The following MEF2C variants were observed in gnomAD, a reference collection of about 807,000 sequenced individuals.
The protein encoded by MEF2C is myocyte-specific enhancer factor 2C.
In MEF2C, 6 loss-of-function variants were observed where a neutral mutation model predicts 50.5. The observed-to-expected ratio is 0.12, with a 90% CI of 0.07 to 0.23. The LOEUF (loss-of-function observed/expected upper bound fraction) is 0.23. Among genes scored for constraint, MEF2C ranks in the 10% least tolerant of loss-of-function variants. The probability of loss-of-function intolerance (pLI) is 1.00; values close to 1 mark genes in which losing one functional copy is unlikely to be tolerated. For missense variants in MEF2C, 276 were observed against 605.0 expected, an observed-to-expected ratio of 0.46 and a Z score of 5.70; for synonymous variants, 183 against 228.0, an observed-to-expected ratio of 0.80 and a Z score of 1.78.
chr5:88,838,864 T>C (rs1816198553), intron 1 of MEF2C, among the ~76,000 whole-genome samples: 1 of 152,190 alleles, frequency 6.6e-6, no homozygotes, highest in East Asian at 1.9e-4. Flanking sequence ...CAGAATACTT[T>C]GTGTTTTAGA....
At chr5:88,789,075 T>A (rs989023178) in intron 3 of MEF2C, among the ~76,000 whole-genome samples, 3 of 152,150 alleles carry the variant, frequency 2.0e-5, no homozygotes, top group Non-Finnish European at 4.4e-5. Flanking sequence ...CACACTTTTA[T>A]TTTTGAAAAA....
rs1756627429 is a variant in MEF2C, at chr5:88,722,425, G to T, written c.*179C>A. ...GTGCTAAGCTTATCTCAGCATTTCT[G>T]TTTATCTTTATACTGTATCACTGAG... On this transcript the variant is annotated 3_prime_UTR_variant, in exon 11 of 11. Coordinates refer to ENST00000504921, the MANE Select transcript of MEF2C (RefSeq NM_002397.5). 1.7e-6 allele frequency: 1 copy of T among 572,854 alleles called. No homozygotes were observed. The highest frequency in any genetic ancestry group is 3.1e-6 in the Non-Finnish European group (1 of 326,130). 35.5% of individuals were successfully genotyped at this position (572,854 alleles called of 1,614,324 possible).
chr5:88,867,650 CAT>C (rs1184018329), intron 1 of MEF2C, among the ~76,000 whole-genome samples: 1 of 152,060 alleles, frequency 6.6e-6, no homozygotes, highest in Non-Finnish European at 1.5e-5. Context: ...CTTTTACACA[CAT>C]ATCATAAAAG....
chr5:88,869,258 TATATATATATATATATATAC>T (rs1451515717), intron 1 of MEF2C, among the ~76,000 whole-genome samples: 24 of 64,950 alleles, frequency 3.7e-4, no homozygotes, highest in Middle Eastern at 0.011. Context: ...TTTTCATATA[TATATATATATATATATATAC>T]ATATATATAT....
At chr5:88,746,748 G>A (rs557797727) in intron 6 of MEF2C, 1 of 959,206 alleles carries the variant, frequency 1.0e-6, no homozygotes, top group Non-Finnish European at 1.2e-6. Context: ...GAGAAAGAAG[G>A]GGAAGATGGC....
At chr5:88,729,152 C>G in intron 9 of MEF2C, 66 bp downstream of exon 9, 1 of 1,593,458 alleles carries the variant, frequency 6.3e-7, no homozygotes, top group Non-Finnish European at 8.6e-7. Context: ...TAAAAGATAA[C>G]TTTTTCATCT....
chr5:88,785,424 A>G (rs551008301), intron 3 of MEF2C: 77 of 152,274 alleles, frequency 5.1e-4, no homozygotes, highest in African/African-American at 1.8e-3. Flanking sequence ...TTTAAAGATT[A>G]AAAGTAAAAA....
At chr5:88,850,877 C>A (rs1331941643) in intron 1 of MEF2C, among the ~76,000 whole-genome samples, 1 of 151,986 alleles carries the variant, frequency 6.6e-6, no homozygotes, top group Non-Finnish European at 1.5e-5. Flanking sequence ...ACCAACCCCT[C>A]TCTTCGTCGT....
intron 6 of MEF2C, chr5:88,742,736 C>A: frequency 1.0e-6 from 1 of 985,338 alleles, no homozygotes; most frequent in Non-Finnish European, 1.2e-6. Flanking sequence ...TGTCTTTGAC[C>A]TGCCTTTCCC....
At chr5:88,873,242 G>T (rs1178444547) in intron 1 of MEF2C, among the ~76,000 whole-genome samples, 1 of 152,028 alleles carries the variant, frequency 6.6e-6, no homozygotes, top group African/African-American at 2.4e-5. Context: ...TCTTTACAAA[G>T]ACATGATCCT....
At chr5:88,838,683 G>A (rs1221520218) in intron 1 of MEF2C, 4 of 985,028 alleles carry the variant, frequency 4.1e-6, no homozygotes, top group Admixed American at 1.2e-4. Context: ...ACCAGCTCTG[G>A]TATGACCCTG....
chr5:88,806,926 C>T (rs568208455), intron 2 of MEF2C, among the ~76,000 whole-genome samples: 1 of 152,188 alleles, frequency 6.6e-6, no homozygotes, highest in African/African-American at 2.4e-5. Flanking sequence ...TGTGTGGGCA[C>T]ATGGTAAAAA....
intron 2 of MEF2C, among the ~76,000 whole-genome samples, chr5:88,821,411 C>T (rs1562222616): frequency 2.0e-5 from 3 of 151,836 alleles, no homozygotes; most frequent in Non-Finnish European, 2.9e-5. Flanking sequence ...CATGCCACTA[C>T]CACACCCAGT....
At chr5:88,739,286 C>T (rs1765432042) in intron 6 of MEF2C, 2 of 983,646 alleles carry the variant, frequency 2.0e-6, no homozygotes, top group Middle Eastern at 5.2e-4. Context: ...CACAGCTGGA[C>T]CTCTGAAGTA....
At chr5:88,858,554 C>T (rs537449666) in intron 1 of MEF2C, among the ~76,000 whole-genome samples, 1 of 152,272 alleles carries the variant, frequency 6.6e-6, no homozygotes, top group African/African-American at 2.4e-5. Context: ...GAGCAAAGTG[C>T]ATTTGATAAG....
At chr5:88,743,171 T>C (rs974660516) in intron 6 of MEF2C, 21 of 923,656 alleles carry the variant, frequency 2.3e-5, no homozygotes, top group Middle Eastern at 5.6e-4. Context: ...ATCTTTATAC[T>C]AACAATTAGT....
At chr5:88,737,236 T>C in intron 6 of MEF2C, 1 of 985,246 alleles carries the variant, frequency 1.0e-6, no homozygotes, top group African/African-American at 1.7e-5. Context: ...TTTTAGATAA[T>C]GATTGCAAAT....
intron 3 of MEF2C, chr5:88,775,784 A>G (rs1784472347): frequency 2.0e-6 from 2 of 980,764 alleles, no homozygotes; most frequent in African/African-American, 1.7e-5. Flanking sequence ...ACATGATGCT[A>G]TAAAAGCTAG....
At chr5:88,774,995 C>T (rs1396364528) in intron 3 of MEF2C, among the ~76,000 whole-genome samples, 1 of 152,208 alleles carries the variant, frequency 6.6e-6, no homozygotes. Flanking sequence ...AGGTCTGTGC[C>T]TTGTGTCGGG....
Sources: gnomAD v4.1 joint callset for allele counts (sites outside exome capture counted in the v4.1 genomes callset) on GRCh38, gnomAD v4.1.1 for gene constraint, MANE v1.5 for transcripts, NCBI Gene and HGNC (gene_info 2026-07-23, HGNC 2026-07-21) for gene names.